The following PRKCZ variants were observed in gnomAD, a reference collection of about 807,000 sequenced individuals.
PRKCZ encodes the protein protein kinase C zeta type.
Under a neutral mutation model 79.5 loss-of-function variants are expected in PRKCZ, and 33 were observed. The ratio of observed to expected loss-of-function variants is 0.41; its 90% CI spans 0.31 to 0.55. PRKCZ has a LOEUF of 0.55. PRKCZ is among the 20% of genes least tolerant of loss of function. The pLI is 0.19. For synonymous variants in PRKCZ, 342 were observed against 320.9 expected (o/e 1.07, Z -0.70); for missense variants, 578 against 813.5 (o/e 0.71, Z 3.52).
rs539964714 is a variant in PRKCZ at position 2,064,960 on chromosome 1, A to G, written c.334+5369A>G. Among the ~76,000 whole-genome samples the G allele has an allele frequency of 1.8e-4, 28 of 152,352 alleles. 1 individual carries two copies. In the South Asian group the frequency reaches 5.8e-3, roughly 32 times the overall value. ...TGGGTAGTGCTGACATCTTAACAGTATGAAGACTTCCAATCCATGAACTGA... is the reference window on the plus strand; with the variant it reads ...TGGGTAGTGCTGACATCTTAACAGTGTGAAGACTTCCAATCCATGAACTGA... On this transcript the variant is annotated intron_variant, in intron 4 of 17. Transcript: ENST00000378567.
intron 4 of PRKCZ, among the ~76,000 whole-genome samples, chr1:2,102,771 G>C (rs1015976978): frequency 1.3e-5 from 2 of 152,128 alleles, no homozygotes; most frequent in Admixed American, 1.3e-4. Context: ...CAACTCTCCT[G>C]CGTCACGGAT....
At chr1:2,062,225 A>G (rs1029091931) in intron 4 of PRKCZ, among the ~76,000 whole-genome samples, 1 of 152,162 alleles carries the variant, frequency 6.6e-6, no homozygotes, top group African/African-American at 2.4e-5. Context: ...AAATATATTC[A>G]AAAAGGGAAC....
chr1:2,104,772 C>G (rs1340147611), intron 4 of PRKCZ: 2 of 985,764 alleles, frequency 2.0e-6, no homozygotes, highest in Non-Finnish European at 2.4e-6. Context: ...GCGGGGCTCA[C>G]TGCTGCCCCC....
At chr1:2,114,261 G>T (rs1339383512) in intron 4 of PRKCZ, among the ~76,000 whole-genome samples, 1 of 151,894 alleles carries the variant, frequency 6.6e-6, no homozygotes, top group African/African-American at 2.4e-5. Context: ...CCAGGGATCT[G>T]TGTTAATACA....
At chr1:2,131,872 C>T (rs1271533676) in intron 4 of PRKCZ, among the ~76,000 whole-genome samples, 4 of 152,200 alleles carry the variant, frequency 2.6e-5, no homozygotes, top group Non-Finnish European at 4.4e-5. Context: ...AGTGCAGTGG[C>T]GCGATCGCGG....
intron 4 of PRKCZ, among the ~76,000 whole-genome samples, chr1:2,078,652 T>TA (rs2102364296): frequency 6.6e-6 from 1 of 152,340 alleles, no homozygotes; most frequent in African/African-American, 2.4e-5. Context: ...GACTCTCTTT[T>TA]AGAGTTAACG....
rs1032799802 is a variant in PRKCZ at position 2,168,100 on chromosome 1, A to G, written c.975-1418A>G. Among the ~76,000 whole-genome samples, 2 of 152,062 alleles carry G rather than the reference A, an allele frequency of 1.3e-5. No individual in the cohort carries two copies. The highest frequency in any genetic ancestry group is 4.8e-5 in the African/African-American group (2 of 41,372). On this transcript the variant is annotated intron_variant, in intron 10 of 17. Transcript: ENST00000378567. The surrounding 1 kb of genome is among the most constrained non-coding windows in gnomAD (Gnocchi z 4.7). Reference sequence around the variant, plus strand: ...CACCCTCAGAGCTGCTCTTTCTGTCATTGCTATTTTGTTTATACCGGGGAT... The same window carrying G: ...CACCCTCAGAGCTGCTCTTTCTGTCGTTGCTATTTTGTTTATACCGGGGAT...
intron 6 of PRKCZ, 27 bp downstream of exon 6, chr1:2,144,368 G>T: frequency 6.4e-7 from 1 of 1,555,482 alleles, no homozygotes; most frequent in Non-Finnish European, 8.7e-7. Context: ...GGGAGGCCCG[G>T]GGGGCACGGG....
At chr1:2,160,238 C>CAT (rs1553169584) in intron 10 of PRKCZ, among the ~76,000 whole-genome samples, 1 of 146,374 alleles carries the variant, frequency 6.8e-6, no homozygotes, top group Non-Finnish European at 1.5e-5. Context: ...CAGCAGTGTG[C>CAT]GTGTGTGTGT....
intron 6 of PRKCZ, 56 bp from the exon 7 acceptor site, chr1:2,145,971 T>C (rs1678418264): frequency 2.7e-6 from 4 of 1,468,728 alleles, no homozygotes; most frequent in Non-Finnish European, 3.8e-6. Context: ...AGAAGCTACA[T>C]TGTAACACCT....
At chr1:2,067,744 C>T (rs967953556) in intron 4 of PRKCZ, among the ~76,000 whole-genome samples, 8 of 152,198 alleles carry the variant, frequency 5.3e-5, no homozygotes, top group African/African-American at 9.7e-5. Flanking sequence ...AGTGTGTGGC[C>T]GGTAGATTCC....
chr1:2,135,289 G>T lies in PRKCZ; in HGVS notation c.362G>T (p.Arg121Ile). The change falls in exon 5 of 18, where the codon AGA becomes ATA. Residue 121 changes from arginine to isoleucine, a missense_variant. Coordinates refer to ENST00000378567, the MANE Select transcript of PRKCZ (RefSeq NM_002744.6). ...TCTATCTACCGCCGGGGAGCCAGAA[G>T]ATGGAGGAAGCTGTACCGTGCCAAC... ...DKSIYRRGAR[R>I]WRKLYRANGH... 1 of 1,613,468 alleles carries T rather than the reference G, an allele frequency of 6.2e-7. No homozygotes were observed. The highest frequency in any genetic ancestry group is 1.1e-5 in the South Asian group (1 of 91,056).
rs1417016561 is a variant in PRKCZ at position 2,168,391 on chromosome 1, C to T, written c.975-1127C>T. On this transcript the variant is annotated intron_variant, in intron 10 of 17. Coordinates refer to ENST00000378567, the MANE Select transcript of PRKCZ (RefSeq NM_002744.6). The surrounding 1 kb of genome is among the most constrained non-coding windows in gnomAD (Gnocchi z 4.7). ...AGGGGAGACAACAAAAGCCGAGGAACGAGCCTTCCCCAGCCGCTCCCCAAA... is the reference window on the plus strand; with the variant it reads ...AGGGGAGACAACAAAAGCCGAGGAATGAGCCTTCCCCAGCCGCTCCCCAAA... Among the ~76,000 whole-genome samples, 1 of 152,204 alleles carries T rather than the reference C, an allele frequency of 6.6e-6. No homozygotes were observed. Among genetic ancestry groups the T allele is most frequent in the Non-Finnish European group, 1.5e-5 (1 of 68,030 alleles).
In PRKCZ at chr1:2,177,458, C is replaced by A. The variant is rs1451793664; in HGVS notation, c.1575+2145C>A. 6.6e-6 allele frequency among the ~76,000 whole-genome samples: 1 copy of A among 152,188 alleles called. No individual in the cohort carries two copies. Among genetic ancestry groups the A allele is most frequent in the Non-Finnish European group, 1.5e-5 (1 of 68,030 alleles). ...TCCTGGGTGCAGCCTTGGTGCCAGCCGGGCCCCTGATCTTGTCTCTCAACC... is the reference window on the plus strand; with the variant it reads ...TCCTGGGTGCAGCCTTGGTGCCAGCAGGGCCCCTGATCTTGTCTCTCAACC... On this transcript the variant is annotated intron_variant, in intron 16 of 17. Transcript: ENST00000378567. The surrounding 1 kb of genome is among the most constrained non-coding windows in gnomAD (Gnocchi z 6.4).
intron 5 of PRKCZ, among the ~76,000 whole-genome samples, chr1:2,135,802 G>A (rs1676079389): frequency 6.6e-6 from 1 of 152,202 alleles, no homozygotes; most frequent in African/African-American, 2.4e-5. Flanking sequence ...TCTTCCCAGC[G>A]GCCACCCACG....
chr1:2,054,566 GT>G (rs111748507), intron 1 of PRKCZ, among the ~76,000 whole-genome samples: 42 of 151,072 alleles, frequency 2.8e-4, no homozygotes, highest in African/African-American at 6.3e-4. Flanking sequence ...GTGTGACTCG[GT>G]TTTAAAAAAA....
chr1:2,176,175 A>G (rs1256344301), intron 16 of PRKCZ, among the ~76,000 whole-genome samples: 1 of 152,140 alleles, frequency 6.6e-6, no homozygotes, highest in African/African-American at 2.4e-5. Flanking sequence ...AGCTGGCCGT[A>G]TGAGGTCAGT....
chr1:2,084,694 G>A (rs1205425689), intron 4 of PRKCZ, among the ~76,000 whole-genome samples: 1 of 152,202 alleles, frequency 6.6e-6, no homozygotes, highest in Non-Finnish European at 1.5e-5. Context: ...GCAGCACCTT[G>A]TCAGCAAGTG....
chr1:2,158,137 C>T (rs1464233177), intron 10 of PRKCZ, among the ~76,000 whole-genome samples: 4 of 152,222 alleles, frequency 2.6e-5, no homozygotes, highest in Admixed American at 2.6e-4. Context: ...ACGTGCGGTG[C>T]CGTCCTGGTC....
Sources: gnomAD v4.1 joint callset for allele counts (sites outside exome capture counted in the v4.1 genomes callset) on GRCh38, gnomAD v4.1.1 for gene constraint, Gnocchi (gnomAD v3.1) non-coding constraint, MANE v1.5 for transcripts, NCBI Gene and HGNC (gene_info 2026-07-23, HGNC 2026-07-21) for gene names.